The following CARNMT1 variants were observed in gnomAD, a reference collection of about 807,000 sequenced individuals.
The protein encoded by CARNMT1 is carnosine N-methyltransferase 1.
Under a neutral mutation model 49.6 loss-of-function variants are expected in CARNMT1, and 28 were observed. The observed-to-expected ratio is 0.56, with a 90% CI of 0.42 to 0.77. The LOEUF (loss-of-function observed/expected upper bound fraction) is 0.77. CARNMT1 is among the 30% of genes least tolerant of loss of function. The pLI is 0.00. For missense variants in CARNMT1, 421 were observed against 512.6 expected (o/e 0.82, Z 1.73); for synonymous variants, 178 against 175.0 (o/e 1.02, Z -0.13).
chr9:75,021,292 G>GTA (rs1250862106), intron 1 of CARNMT1, among the ~76,000 whole-genome samples: 1 of 131,172 alleles, frequency 7.6e-6, no homozygotes, highest in Admixed American at 7.8e-5. Flanking sequence ...TATATACATA[G>GTA]TATATATACT....
chr9:75,001,770 A>C (rs1006968659), intron 3 of CARNMT1, among the ~76,000 whole-genome samples: 1 of 152,318 alleles, frequency 6.6e-6, no homozygotes, highest in Non-Finnish European at 1.5e-5. Context: ...TGTGCATGAA[A>C]CTAACGCACT....
At chr9:75,021,931 C>G (rs1427465690) in intron 1 of CARNMT1, among the ~76,000 whole-genome samples, 3 of 151,896 alleles carry the variant, frequency 2.0e-5, no homozygotes, top group East Asian at 1.9e-4. Context: ...GAGCAAAAAC[C>G]CTGTCTCCAA....
At chr9:75,021,776 T>TA (rs916968960) in intron 1 of CARNMT1, among the ~76,000 whole-genome samples, 2 of 151,578 alleles carry the variant, frequency 1.3e-5, no homozygotes, top group Non-Finnish European at 2.9e-5. Context: ...TACAAAAAAA[T>TA]AAAAAAACAA....
intron 1 of CARNMT1, among the ~76,000 whole-genome samples, chr9:75,022,281 T>C (rs1254490811): frequency 7.5e-6 from 1 of 133,758 alleles, no homozygotes; most frequent in African/African-American, 2.8e-5. Context: ...TGGAGTACAG[T>C]GGCATGATCT....
At position 75,016,315 on chromosome 9, in the gene CARNMT1, G is replaced by GT; in HGVS notation, c.542dup (p.Tyr181Ter). 1 of 1,613,826 alleles carries GT rather than the reference G, an allele frequency of 6.2e-7. No homozygotes were observed. Among genetic ancestry groups the GT allele is most frequent in the Non-Finnish European group, 8.5e-7 (1 of 1,179,896 alleles). The stretch of plus-strand genomic sequence containing the variant: ...TTAAAATTTCTTTAATGATTGGCTG[G>GT]TAACAGGCATCCCTTTCTGCTTTCC... ...ETGKAERDAC[Y>*]QPIIKEILKN... The change falls in exon 3 of 8, where the codon TAC becomes TAAC. Residue 181 changes from tyrosine to a stop codon, truncating the protein, a stop_gained and frameshift_variant. Transcript: ENST00000376834. LOFTEE classifies it high-confidence loss of function.
chr9:75,024,376 G>A (rs1476457970), intron 1 of CARNMT1, among the ~76,000 whole-genome samples: 1 of 152,192 alleles, frequency 6.6e-6, no homozygotes, highest in Non-Finnish European at 1.5e-5. Flanking sequence ...GTTGCTTACC[G>A]CTTTGTGTCT....
intron 1 of CARNMT1, chr9:75,027,105 C>T: frequency 7.7e-7 from 1 of 1,304,322 alleles, no homozygotes; most frequent in Non-Finnish European, 1.0e-6. Flanking sequence ...AGAACATAGT[C>T]ACCGGTGGAC....
At chr9:74,989,546 T>C (rs952037317) in intron 6 of CARNMT1, among the ~76,000 whole-genome samples, 2 of 152,192 alleles carry the variant, frequency 1.3e-5, no homozygotes, top group Non-Finnish European at 2.9e-5. Context: ...ATGGTTTGCC[T>C]TTGTGCCTCC....
chr9:75,020,962 T>C (rs528957172), intron 1 of CARNMT1, among the ~76,000 whole-genome samples: 3 of 152,256 alleles, frequency 2.0e-5, no homozygotes, highest in Admixed American at 6.5e-5. Flanking sequence ...CTCTCTCATA[T>C]ACAGAAGCAA....
chr9:74,996,477 G>A lies in CARNMT1; in HGVS notation c.994C>T (p.Leu332Phe). Residue 332 changes from leucine to phenylalanine, a missense_variant, in exon 6 of 8, where the codon CTC (leucine) becomes TTC (phenylalanine). Transcript: ENST00000376834. ...TTTATCCAAATTCCACCTGGCTTGAGTATTTTCCATATTGTATCAATATAA... is the reference window on the plus strand; with the variant it reads ...TTTATCCAAATTCCACCTGGCTTGAATATTTTCCATATTGTATCAATATAA... ...IDYIDTIWKI[L>F]KPGGIWINLG... 1.9e-6 allele frequency: 3 copies of A among 1,602,790 alleles called. No homozygotes were observed. Among genetic ancestry groups the A allele is most frequent in the Non-Finnish European group, 2.6e-6 (3 of 1,175,618 alleles).
intron 3 of CARNMT1, among the ~76,000 whole-genome samples, chr9:75,008,930 T>G (rs1833600354): frequency 6.6e-6 from 1 of 152,078 alleles, no homozygotes; most frequent in South Asian, 2.1e-4. Context: ...GCAATTAAAA[T>G]AGTATGTTAT....
At chr9:75,016,578 G>C in intron 2 of CARNMT1, 147 bp from the exon 3 acceptor site, 1 of 672,230 alleles carries the variant, frequency 1.5e-6, no homozygotes, top group East Asian at 2.6e-5. Context: ...AGTGCAGCTT[G>C]AGATCCTAAA....
rs1451333235 is a variant in CARNMT1 at position 75,020,869 on chromosome 9, T to G, written c.231-3421A>C. Among the ~76,000 whole-genome samples the G allele has an allele frequency of 5.9e-5, 9 of 152,060 alleles. No homozygotes were observed. The East Asian group carries it at 1.7e-3, about 29-fold the overall frequency. On this transcript the variant is annotated intron_variant, in intron 1 of 7. Transcript: ENST00000376834. ...GAGAGTATAATAATGAGCTTTGAAG[T>G]CAGAAAGATCAGGGATGAAATCCAG... is the stretch of plus-strand genomic sequence containing the variant.
At chr9:75,001,892 A>G (rs958139086) in intron 3 of CARNMT1, among the ~76,000 whole-genome samples, 2 of 152,186 alleles carry the variant, frequency 1.3e-5, no homozygotes, top group African/African-American at 4.8e-5. Context: ...TGGTGAGACA[A>G]CCTTAAACCA....
chr9:74,998,809 CTAAA>C (rs1355764528), intron 4 of CARNMT1, 33 bp from the exon 5 acceptor site: 2 of 1,350,928 alleles, frequency 1.5e-6, no homozygotes, highest in Non-Finnish European at 2.0e-6. Flanking sequence ...CAGGTGTTAA[CTAAA>C]TATTTTACCA....
chr9:74,981,915 T>A lies in CARNMT1; in HGVS notation c.*1852A>T, dbSNP rs759356663. Reference sequence around the variant, plus strand: ...TCTTTTAAAACAATAATTTGAGTTTTTTTTTTCTTCCTTGCCACTAAATTC... The same window carrying A: ...TCTTTTAAAACAATAATTTGAGTTTATTTTTTCTTCCTTGCCACTAAATTC... On this transcript the variant is annotated 3_prime_UTR_variant, in exon 8 of 8. Coordinates refer to ENST00000376834, the MANE Select transcript of CARNMT1 (RefSeq NM_152420.3). The A allele has an allele frequency of 3.3e-5, 5 of 151,980 alleles. No individual in the cohort carries two copies. The highest frequency in any genetic ancestry group is 7.4e-5 in the Non-Finnish European group (5 of 67,982). 9.4% of individuals were successfully genotyped at this position (151,980 alleles called of 1,614,324 possible).
chr9:75,024,107 G>A (rs776859422), intron 1 of CARNMT1, among the ~76,000 whole-genome samples: 1 of 152,134 alleles, frequency 6.6e-6, no homozygotes, highest in Non-Finnish European at 1.5e-5. Flanking sequence ...GCCCACACCA[G>A]GTCTGATCTA....
intron 6 of CARNMT1, among the ~76,000 whole-genome samples, chr9:74,993,349 T>G (rs919613818): frequency 1.3e-5 from 2 of 152,200 alleles, no homozygotes; most frequent in African/African-American, 4.8e-5. Flanking sequence ...GTCAAAGGAC[T>G]GGCACTTGAG....
upstream of CARNMT1, chr9:75,028,342 T>C (rs1822594782): frequency 7.7e-7 from 1 of 1,307,022 alleles, no homozygotes; most frequent in African/African-American, 1.6e-5. Context: ...GCCGCGGACA[T>C]GCCCCCAGCT....
Sources: gnomAD v4.1 joint callset for allele counts (sites outside exome capture counted in the v4.1 genomes callset) on GRCh38, gnomAD v4.1.1 for gene constraint, MANE v1.5 for transcripts, NCBI Gene and HGNC (gene_info 2026-07-23, HGNC 2026-07-21) for gene names.